Variants in PTPRG observed in about 807,000 individuals in gnomAD.
PTPRG encodes the protein receptor-type tyrosine-protein phosphatase gamma.
PTPRG carries 102 observed loss-of-function variants against 165.3 expected under a neutral mutation model. The ratio of observed to expected loss-of-function variants is 0.62; its 90% CI spans 0.53 to 0.73. The LOEUF is 0.73. Ranked by LOEUF, PTPRG falls within the 30% of genes least tolerant of loss-of-function variation. The pLI is 0.00. For missense variants in PTPRG, 1,866 were observed against 1,861.4 expected, an observed-to-expected ratio of 1.00 and a Z score of -0.05; for synonymous variants, 675 against 669.5, an observed-to-expected ratio of 1.01 and a Z score of -0.13.
At chr3:61,970,007 G>C (rs934135282) in intron 2 of PTPRG, among the ~76,000 whole-genome samples, 5 of 152,182 alleles carry the variant, frequency 3.3e-5, no homozygotes, top group Non-Finnish European at 5.9e-5. Flanking sequence ...CTGTGAGGCA[G>C]ATCAATCTTC....
At chr3:61,563,120 C>T (rs1017539846) in intron 1 of PTPRG, among the ~76,000 whole-genome samples, 2 of 151,356 alleles carry the variant, frequency 1.3e-5, no homozygotes, top group South Asian at 2.1e-4. Flanking sequence ...TTGCCTGGGT[C>T]TGGACGCGGG....
intron 6 of PTPRG, 59 bp downstream of exon 6, chr3:62,132,727 A>G (rs2106927440): frequency 1.4e-6 from 2 of 1,430,790 alleles, no homozygotes; most frequent in Admixed American, 1.7e-5. Flanking sequence ...ATCTCTACCT[A>G]AAAGAATCAG....
intron 2 of PTPRG, among the ~76,000 whole-genome samples, chr3:61,975,936 G>A (rs1399886970): frequency 1.3e-5 from 2 of 152,048 alleles, no homozygotes; most frequent in Non-Finnish European, 2.9e-5. Flanking sequence ...TTTATTTGAT[G>A]CAATTTTATT....
intron 1 of PTPRG, among the ~76,000 whole-genome samples, chr3:61,714,323 C>G (rs1299897838): frequency 6.6e-6 from 1 of 152,146 alleles, no homozygotes; most frequent in Non-Finnish European, 1.5e-5. Flanking sequence ...TTCACCCTCC[C>G]TTGTAGTTAG....
chr3:61,819,400 C>A (rs1282492538), intron 2 of PTPRG, among the ~76,000 whole-genome samples: 1 of 152,072 alleles, frequency 6.6e-6, no homozygotes, highest in Non-Finnish European at 1.5e-5. Context: ...ACTAAGGATA[C>A]CATGTAGTGT....
chr3:62,219,262 A>G lies in PTPRG; in HGVS notation c.2288+279A>G, dbSNP rs1240628879. 1.3e-5 allele frequency among the ~76,000 whole-genome samples: 2 copies of G among 152,256 alleles called. No individual in the cohort carries two copies. Among genetic ancestry groups the G allele is most frequent in the African/African-American group, 2.4e-5 (1 of 41,470 alleles). On this transcript the variant is annotated intron_variant, in intron 13 of 29. Transcript: ENST00000474889. The surrounding 1 kb of genome is among the most constrained non-coding windows in gnomAD (Gnocchi z 4.5). ...TCCAAGTTCAGATCCAAGCTCTGCT[A>G]CTTGCTAGATCCAAATCCCGTGTCC...
intron 2 of PTPRG, among the ~76,000 whole-genome samples, chr3:61,896,637 T>A (rs1431310623): frequency 6.6e-6 from 1 of 152,234 alleles, no homozygotes; most frequent in East Asian, 1.9e-4. Context: ...CAAATGGTTT[T>A]CCAGAGTGGC....
intron 1 of PTPRG, among the ~76,000 whole-genome samples, chr3:61,607,985 CT>C (rs1421239081): frequency 1.3e-5 from 2 of 152,094 alleles, no homozygotes; most frequent in South Asian, 2.1e-4. Context: ...ACATCTTAAA[CT>C]TTACCTAATT....
intron 2 of PTPRG, among the ~76,000 whole-genome samples, chr3:61,857,028 G>T (rs593686): frequency 0.16 from 23,912 of 151,814 alleles, 1,881 homozygotes; most frequent in Middle Eastern, 0.19. Flanking sequence ...CCTTTATGTG[G>T]GCTATTTCTT....
In PTPRG at chr3:62,203,996, G is replaced by T; in HGVS notation, c.2155+46G>T. The T allele has an allele frequency of 6.6e-7, 1 of 1,504,168 alleles. No individual in the cohort carries two copies. The highest frequency in any genetic ancestry group is 8.9e-7 in the Non-Finnish European group (1 of 1,126,620). 93.2% of individuals were successfully genotyped at this position (1,504,168 alleles called of 1,614,324 possible). A position where few individuals can be genotyped will look rare whatever the true frequency, so the allele number is the denominator to read the frequency against. The stretch of plus-strand genomic sequence containing the variant: ...TCGAGGGTTCCTGCTCCTGTGAATA[G>T]TCGTACCCTTTTTCAAAAAATTGGG... On this transcript the variant is annotated intron_variant, in intron 12 of 29. Transcript: ENST00000474889. The surrounding 1 kb of genome is among the most constrained non-coding windows in gnomAD (Gnocchi z 6.4).
chr3:62,283,734 T>G (rs774575906), intron 28 of PTPRG, among the ~76,000 whole-genome samples: 1 of 152,100 alleles, frequency 6.6e-6, no homozygotes, highest in Admixed American at 6.6e-5. Flanking sequence ...GAAGGCTTTT[T>G]TTCCTGGCAC....
At chr3:62,244,514 A>AT (rs1701246366) in intron 15 of PTPRG, among the ~76,000 whole-genome samples, 1 of 152,154 alleles carries the variant, frequency 6.6e-6, no homozygotes, top group Non-Finnish European at 1.5e-5. Context: ...TCTTTGCCAG[A>AT]TTTTAACTTT....
rs1184110732 is a variant in PTPRG at position 62,252,179 on chromosome 3, TGTA to T, written c.2468-2942_2468-2940del. 6.6e-6 allele frequency among the ~76,000 whole-genome samples: 1 copy of T among 152,180 alleles called. No homozygotes were observed. Among genetic ancestry groups the T allele is most frequent in the East Asian group, 1.9e-4 (1 of 5,202 alleles). ...TCAAATCCATCCTTTTAATGGCACT[TGTA>T]GTCTTTATCACATAATTACACTGTT... is the stretch of plus-strand genomic sequence containing the variant. On this transcript the variant is annotated intron_variant, in intron 15 of 29. Coordinates refer to ENST00000474889, the MANE Select transcript of PTPRG (RefSeq NM_002841.4). The surrounding 1 kb of genome is among the most constrained non-coding windows in gnomAD (Gnocchi z 4.6).
At chr3:62,176,845 A>T (rs770438861) in intron 8 of PTPRG, among the ~76,000 whole-genome samples, 2 of 152,190 alleles carry the variant, frequency 1.3e-5, no homozygotes, top group Non-Finnish European at 2.9e-5. Flanking sequence ...ATAAGACAGG[A>T]TAAGGCAGTG....
At chr3:61,752,075 GTTA>G (rs1000185183) in intron 2 of PTPRG, among the ~76,000 whole-genome samples, 3 of 152,170 alleles carry the variant, frequency 2.0e-5, no homozygotes, top group African/African-American at 7.2e-5. Flanking sequence ...TTTTGAGACT[GTTA>G]TTATTACTTT....
intron 5 of PTPRG, among the ~76,000 whole-genome samples, chr3:62,087,564 A>G (rs1197611585): frequency 6.6e-6 from 1 of 152,214 alleles, no homozygotes; most frequent in Non-Finnish European, 1.5e-5. Flanking sequence ...TCAAGGTATT[A>G]TTACCTCCAT....
At chr3:61,641,742 G>C (rs886683738) in intron 1 of PTPRG, among the ~76,000 whole-genome samples, 6 of 152,200 alleles carry the variant, frequency 3.9e-5, no homozygotes, top group African/African-American at 1.4e-4. Flanking sequence ...TTCTGTGGTT[G>C]ATTTGGAAGG....
Position 62,262,852 on chromosome 3 carries a change from C to G in PTPRG, c.2614C>G (p.Pro872Ala). The change falls in exon 17 of 30, where the codon CCA becomes GCA. Residue 872 changes from proline (P) to alanine (A), a missense_variant. Around this residue, in one of 3 missense-constraint regions of PTPRG, gnomAD observed 1,452 missense variants for 1,463.0 expected, o/e 0.99. Coordinates refer to ENST00000474889, the MANE Select transcript of PTPRG (RefSeq NM_002841.4). ...MNITAEHSNH[P>A]ENKHKNRYIN... is the part of the protein sequence containing the mutation. ...CATCACTGCAGAGCATTCCAATCATCCAGAAAACAAGCACAAAAACAGATA... is the reference window on the plus strand; with the variant it reads ...CATCACTGCAGAGCATTCCAATCATGCAGAAAACAAGCACAAAAACAGATA... 1.2e-6 allele frequency: 2 copies of G among 1,613,878 alleles called. No homozygotes were observed. The highest frequency in any genetic ancestry group is 1.7e-6 in the Non-Finnish European group (2 of 1,179,832).
chr3:62,118,951 T>C (rs1366103553), intron 5 of PTPRG, among the ~76,000 whole-genome samples: 1 of 152,234 alleles, frequency 6.6e-6, no homozygotes, highest in Non-Finnish European at 1.5e-5. Flanking sequence ...TTTTCCCTGC[T>C]TCACCTCTTT....
Sources: gnomAD v4.1 joint callset for allele counts (sites outside exome capture counted in the v4.1 genomes callset) on GRCh38, gnomAD v4.1.1 for gene constraint, gnomAD v4.1.1 regional missense constraint, Gnocchi (gnomAD v3.1) non-coding constraint, MANE v1.5 for transcripts, NCBI Gene and HGNC (gene_info 2026-07-23, HGNC 2026-07-21) for gene names.